Variants in ZNF709 observed in about 807,000 individuals in gnomAD.
ZNF709 encodes zinc finger protein 709.
Under a neutral mutation model 10.6 loss-of-function variants are expected in ZNF709, and 15 were observed. The ratio of observed to expected loss-of-function variants is 1.41; its 90% CI spans 0.95 to 2.18. The LOEUF (loss-of-function observed/expected upper bound fraction) is 2.18, where lower values mean the gene tolerates loss of function less well. Ranked by LOEUF, ZNF709 falls within the 30% of genes most tolerant of loss-of-function variation. The pLI is 0.00. For synonymous variants in ZNF709, 194 were observed against 238.8 expected (o/e 0.81, Z 1.73); for missense variants, 589 against 774.0 (o/e 0.76, Z 2.84).
At chr19:12,484,562 G>A (rs1022630548) in intron 1 of ZNF709, 93 bp downstream of exon 1, 19 of 1,495,750 alleles carry the variant, frequency 1.3e-5, no homozygotes, top group African/African-American at 2.8e-5. Flanking sequence ...GGGAGACAAC[G>A]GCGGGGAGGC....
intron 1 of ZNF709, among the ~76,000 whole-genome samples, chr19:12,478,676 A>C (rs920142786): frequency 6.6e-6 from 1 of 152,254 alleles, no homozygotes; most frequent in African/African-American, 2.4e-5. Context: ...TGGGGAAAGC[A>C]GGGCAGGCTG....
Position 12,464,798 on chromosome 19 carries a change from C to A in ZNF709, c.1124G>T (p.Cys375Phe), listed in dbSNP as rs1970552924. 6.2e-7 allele frequency: 1 copy of A among 1,613,104 alleles called. No homozygotes were observed. Among genetic ancestry groups the A allele is most frequent in the Non-Finnish European group, 8.5e-7 (1 of 1,179,574 alleles). The change falls in exon 4 of 4, where the codon TGT becomes TTT. Residue 375 changes from cysteine (C) to phenylalanine (F), a missense_variant. Cys to Phe is a radical substitution (Grantham distance 205). Around this residue, in one of 2 missense-constraint regions of ZNF709, gnomAD observed 418 missense variants for 496.3 expected, o/e 0.84. Transcript: ENST00000397732. ...TTCATGGATTTGAAAAGAACTAGGACAATCAAAGGCTTTCCCACATTCCTT... is the reference window on the plus strand; with the variant it reads ...TTCATGGATTTGAAAAGAACTAGGAAAATCAAAGGCTTTCCCACATTCCTT... ...KCKECGKAFD[C>F]PSSFQIHERT...
chr19:12,484,146 T>C (rs1386617197), intron 1 of ZNF709, among the ~76,000 whole-genome samples: 1 of 152,116 alleles, frequency 6.6e-6, no homozygotes, highest in Non-Finnish European at 1.5e-5. Flanking sequence ...TTGAAAGAGA[T>C]CTAGAAATTT....
At chr19:12,469,900 AC>A (rs1315089398) in intron 1 of ZNF709, among the ~76,000 whole-genome samples, 1 of 152,204 alleles carries the variant, frequency 6.6e-6, no homozygotes, top group East Asian at 1.9e-4. Flanking sequence ...CTAACAGTGT[AC>A]CCTGAGACTT....
rs1030303603 is a variant in ZNF709 at position 12,461,191 on chromosome 19, G to A, written c.*2805C>T. 3 of 152,074 alleles carry A rather than the reference G, an allele frequency of 2.0e-5. No homozygotes were observed. The highest frequency in any genetic ancestry group is 4.8e-5 in the African/African-American group (2 of 41,378). 9.4% of individuals were successfully genotyped at this position (152,074 alleles called of 1,614,324 possible). On this transcript the variant is annotated 3_prime_UTR_variant, in exon 4 of 4. Coordinates refer to ENST00000397732, the MANE Select transcript of ZNF709 (RefSeq NM_152601.4). ...AAACTTAATCTGAAAATCTATAATTGCAATGGAATATTTTAATATATCCTT... is the reference window on the plus strand; with the variant it reads ...AAACTTAATCTGAAAATCTATAATTACAATGGAATATTTTAATATATCCTT...
Position 12,465,516 on chromosome 19 carries a change from C to T in ZNF709, c.406G>A (p.Gly136Arg), listed in dbSNP as rs1568245626. 6.2e-7 allele frequency: 1 copy of T among 1,610,412 alleles called. No individual in the cohort carries two copies. Among genetic ancestry groups the T allele is most frequent in the African/African-American group, 1.3e-5 (1 of 74,850 alleles). ...TCCTTACATTCATATGATTTCTCTC[C>T]ATATTTGTGATATTCATATGATCTA... ...EHRSYEYHKY[G>R]EKSYECKECG... The change falls in exon 4 of 4, where the codon GGA (glycine) becomes AGA (arginine). Residue 136 changes from glycine (G) to arginine (R), a missense_variant. By Grantham distance (125) the Gly-to-Arg change is moderately radical. Transcript: ENST00000397732.
rs1363473698 is a variant in ZNF709, at chr19:12,463,339, A to G, written c.*657T>C. On this transcript the variant is annotated 3_prime_UTR_variant, in exon 4 of 4. Coordinates refer to ENST00000397732, the MANE Select transcript of ZNF709 (RefSeq NM_152601.4). Reference sequence around the variant, plus strand: ...TTTGTTCATGGTTTCCAAGTAAACTAAGACAAATAAAGGTTTTTCTACATT... The same window carrying G: ...TTTGTTCATGGTTTCCAAGTAAACTGAGACAAATAAAGGTTTTTCTACATT... The G allele has an allele frequency of 6.6e-6, 1 of 152,208 alleles. No homozygotes were observed. Among genetic ancestry groups the G allele is most frequent in the African/African-American group, 2.4e-5 (1 of 41,448 alleles). The allele number at this position is 152,208 out of a possible 1,614,324, so 9.4% of individuals were successfully genotyped here.
At chr19:12,468,483 T>C (rs1453307508) in intron 1 of ZNF709, among the ~76,000 whole-genome samples, 2 of 151,904 alleles carry the variant, frequency 1.3e-5, no homozygotes, top group African/African-American at 4.8e-5. Context: ...GGTAAACAGA[T>C]GCTTGAAGGC....
At chr19:12,476,366 T>C (rs1970678224) in intron 1 of ZNF709, among the ~76,000 whole-genome samples, 1 of 149,048 alleles carries the variant, frequency 6.7e-6, no homozygotes, top group Non-Finnish European at 1.5e-5. Context: ...CACTCTGGCC[T>C]GGGCAAGAGG....
At chr19:12,482,177 A>ACACACACACACC in intron 1 of ZNF709, among the ~76,000 whole-genome samples, 1 of 150,914 alleles carries the variant, frequency 6.6e-6, no homozygotes, top group African/African-American at 2.4e-5. Flanking sequence ...ACACACACAC[A>ACACACACACACC]CACACACGCT....
chr19:12,473,549 T>C (rs537391447), intron 1 of ZNF709, among the ~76,000 whole-genome samples: 58 of 152,304 alleles, frequency 3.8e-4, no homozygotes, highest in African/African-American at 1.4e-3. Context: ...AAATCACTTA[T>C]TGAGGCAATG....
At chr19:12,483,913 T>C (rs868003998) in intron 1 of ZNF709, among the ~76,000 whole-genome samples, 1 of 152,108 alleles carries the variant, frequency 6.6e-6, no homozygotes, top group East Asian at 1.9e-4. Context: ...GGAGTTCCCA[T>C]AGGATGTCAG....
intron 1 of ZNF709, among the ~76,000 whole-genome samples, chr19:12,482,353 A>G (rs1187024844): frequency 6.6e-6 from 1 of 152,122 alleles, no homozygotes; most frequent in Non-Finnish European, 1.5e-5. Context: ...AGAGTGAGAC[A>G]GTCCCTGGTG....
At chr19:12,483,853 G>A (rs1362367599) in intron 1 of ZNF709, among the ~76,000 whole-genome samples, 1 of 151,228 alleles carries the variant, frequency 6.6e-6, no homozygotes, top group Admixed American at 6.6e-5. Flanking sequence ...TGCTGCGCTG[G>A]AAAGGACAGA....
chr19:12,483,307 ATTTTTTTTTTT>A (rs35777030), intron 1 of ZNF709, among the ~76,000 whole-genome samples: 40 of 95,232 alleles, frequency 4.2e-4, no homozygotes, highest in African/African-American at 1.4e-3. Flanking sequence ...CGCCCAGCTA[ATTTTTTTTTTT>A]TTTTTTTTTT....
intron 1 of ZNF709, among the ~76,000 whole-genome samples, chr19:12,471,775 G>A (rs1339774179): frequency 6.6e-6 from 1 of 152,166 alleles, no homozygotes; most frequent in Non-Finnish European, 1.5e-5. Flanking sequence ...CATTGCATCA[G>A]CTCTTTTCCA....
At chr19:12,472,188 A>T (rs1255213690) in intron 1 of ZNF709, among the ~76,000 whole-genome samples, 1 of 152,146 alleles carries the variant, frequency 6.6e-6, no homozygotes, top group African/African-American at 2.4e-5. Flanking sequence ...AATAAGTAAT[A>T]AAATAGCCAA....
Position 12,461,478 on chromosome 19 carries a change from G to A in ZNF709, c.*2518C>T, listed in dbSNP as rs1246995057. The A allele has an allele frequency of 1.3e-5, 2 of 152,092 alleles. No homozygotes were observed. The highest frequency in any genetic ancestry group is 1.5e-5 in the Non-Finnish European group (1 of 68,038). 9.4% of individuals were successfully genotyped at this position (152,092 alleles called of 1,614,324 possible). On this transcript the variant is annotated 3_prime_UTR_variant, in exon 4 of 4. Coordinates refer to ENST00000397732, the MANE Select transcript of ZNF709 (RefSeq NM_152601.4). ...AGTGCATTCCCTGCACAGTGCAGTG[G>A]AGAAGCAGACACCCATGTAGTTCTT...
Position 12,466,446 on chromosome 19 carries a change from T to G in ZNF709, c.188+16A>C, listed in dbSNP as rs1269939896. The stretch of plus-strand genomic sequence containing the variant: ...TCTCTCATAAGACAGTATTTTCTTT[T>G]GTAAGTACAACTCACCTTAGCTTTC... On this transcript the variant is annotated intron_variant, in intron 3 of 3. Coordinates refer to ENST00000397732, the MANE Select transcript of ZNF709 (RefSeq NM_152601.4). The G allele has an allele frequency of 4.3e-6, 7 of 1,612,090 alleles. No individual in the cohort carries two copies. Among genetic ancestry groups the G allele is most frequent in the Non-Finnish European group, 5.9e-6 (7 of 1,178,506 alleles).
Sources: gnomAD v4.1 joint callset for allele counts (sites outside exome capture counted in the v4.1 genomes callset) on GRCh38, gnomAD v4.1.1 for gene constraint, gnomAD v4.1.1 regional missense constraint, MANE v1.5 for transcripts, NCBI Gene and HGNC (gene_info 2026-07-23, HGNC 2026-07-21) for gene names.